The following CRACDL variants were observed in gnomAD, a reference collection of about 807,000 sequenced individuals.
CRACDL encodes CRACD-like protein.
In CRACDL, 26 loss-of-function variants were observed where a neutral mutation model predicts 70.6. That is an observed-to-expected ratio of 0.37 (90% CI 0.27 to 0.51). CRACDL has a LOEUF of 0.51. Ranked by LOEUF, CRACDL falls within the 20% of genes least tolerant of loss-of-function variation. CRACDL has a pLI of 0.94. For synonymous variants in CRACDL, 618 were observed against 615.2 expected (o/e 1.00, Z -0.07); for missense variants, 1,283 against 1,376.9 (o/e 0.93, Z 1.08).
chr2:98,815,618 T>A (rs1704751610), intron 7 of CRACDL, among the ~76,000 whole-genome samples: 1 of 152,018 alleles, frequency 6.6e-6, no homozygotes, highest in Non-Finnish European at 1.5e-5. Context: ...TCTCTGGGGG[T>A]AATGTCTAAA....
At chr2:98,918,929 T>G (rs1708733714) in intron 1 of CRACDL, among the ~76,000 whole-genome samples, 1 of 152,234 alleles carries the variant, frequency 6.6e-6, no homozygotes, top group South Asian at 2.1e-4. Context: ...GCAGAAGCTT[T>G]TTCATTTAAG....
At chr2:98,848,344 C>T (rs1706345346) in intron 1 of CRACDL, among the ~76,000 whole-genome samples, 1 of 152,100 alleles carries the variant, frequency 6.6e-6, no homozygotes, top group African/African-American at 2.4e-5. Context: ...CCCTCATCCC[C>T]AAGAGTCCTT....
Position 98,822,817 on chromosome 2 carries a change from C to G in CRACDL, c.1456G>C (p.Ala486Pro), listed in dbSNP as rs774642538. ...PERIGTEPST[A>P]PAPSPPAPKS... ...GGCGCCGGCGGGCTCGGGGCGGGCG[C>G]CGTGGAGGGCTCGGTCCCAATTCTC... The change falls in exon 7 of 10, where the codon GCG (alanine) becomes CCG (proline). Residue 486 changes from alanine to proline, a missense_variant. Coordinates refer to ENST00000397899, the MANE Select transcript of CRACDL (RefSeq NM_207362.3). This position sits in a 1 kb window ranked among gnomAD's most constrained non-coding sequence, Gnocchi z 4.9. The G allele has an allele frequency of 1.4e-6, 2 of 1,389,148 alleles. No homozygotes were observed. The highest frequency in any genetic ancestry group is 3.0e-5 in the Admixed American group (1 of 33,058). The allele number at this position is 1,389,148 out of a possible 1,614,324, so 86.1% of individuals were successfully genotyped here. A position where few individuals can be genotyped will look rare whatever the true frequency, so the allele number is the denominator to read the frequency against.
At chr2:98,815,656 G>A (rs1217066616) in intron 7 of CRACDL, among the ~76,000 whole-genome samples, 1 of 152,236 alleles carries the variant, frequency 6.6e-6, no homozygotes, top group African/African-American at 2.4e-5. Flanking sequence ...ACCCATAGGA[G>A]CTGCTGTGGG....
At position 98,823,767 on chromosome 2, in the gene CRACDL, T is replaced by C. The variant is rs116024279; in HGVS notation, c.736-230A>G. Among the ~76,000 whole-genome samples, 724 of 152,330 alleles carry C rather than the reference T, an allele frequency of 4.8e-3. 7 individuals are homozygous for C. The highest frequency in any genetic ancestry group is 0.016 in the African/African-American group (676 of 41,574). On this transcript the variant is annotated intron_variant, in intron 6 of 9. Coordinates refer to ENST00000397899, the MANE Select transcript of CRACDL (RefSeq NM_207362.3). This position sits in a 1 kb window ranked among gnomAD's most constrained non-coding sequence, Gnocchi z 4.0. ...CAGATATGCCTCCAAAGTAAATGTC[T>C]ACAGCTCCTCTGGCAGAGCCTCAAA...
chr2:98,885,964 T>C (rs974761315), intron 1 of CRACDL, among the ~76,000 whole-genome samples: 2 of 151,784 alleles, frequency 1.3e-5, no homozygotes, highest in African/African-American at 4.8e-5. Context: ...ACTCTGGAAA[T>C]TAATGCAATA....
intron 1 of CRACDL, among the ~76,000 whole-genome samples, chr2:98,919,820 A>G (rs1708756777): frequency 1.3e-5 from 2 of 152,166 alleles, no homozygotes; most frequent in South Asian, 2.1e-4. Context: ...TGGTGTGATC[A>G]CAGCTCACTG....
intron 1 of CRACDL, among the ~76,000 whole-genome samples, chr2:98,884,161 G>A (rs1165705558): frequency 2.6e-5 from 4 of 152,338 alleles, no homozygotes; most frequent in East Asian, 3.9e-4. Context: ...AGGAGGCCTG[G>A]AAGCACAGGC....
At chr2:98,863,955 A>G (rs947301273) in intron 1 of CRACDL, among the ~76,000 whole-genome samples, 2 of 152,142 alleles carry the variant, frequency 1.3e-5, no homozygotes, top group African/African-American at 4.8e-5. Flanking sequence ...TCCATTTTGC[A>G]AGACCCCAAA....
At chr2:98,908,191 G>A (rs111377325) in intron 1 of CRACDL, among the ~76,000 whole-genome samples, 10,059 of 152,260 alleles carry the variant, frequency 0.066, 490 homozygotes, top group African/African-American at 0.14. Flanking sequence ...ACCAGTAGAC[G>A]GACTGGCTGT....
chr2:98,904,451 G>A (rs1419858846), intron 1 of CRACDL, among the ~76,000 whole-genome samples: 1 of 152,194 alleles, frequency 6.6e-6, no homozygotes, highest in Non-Finnish European at 1.5e-5. Context: ...ACCACATATG[G>A]GAATGGCCTT....
At chr2:98,803,883 C>A (rs1367963511) in intron 7 of CRACDL, among the ~76,000 whole-genome samples, 1 of 152,186 alleles carries the variant, frequency 6.6e-6, no homozygotes, top group Non-Finnish European at 1.5e-5. Context: ...GGAAATGGGA[C>A]CTGTCTACAG....
At chr2:98,837,039 C>T (rs1291517427) in intron 3 of CRACDL, among the ~76,000 whole-genome samples, 1 of 149,688 alleles carries the variant, frequency 6.7e-6, no homozygotes, top group Non-Finnish European at 1.5e-5. Context: ...GAGCCAAGAT[C>T]GCGCCACCGC....
At chr2:98,886,823 AT>A (rs59370916) in intron 1 of CRACDL, among the ~76,000 whole-genome samples, 7,089 of 152,262 alleles carry the variant, frequency 0.047, 552 homozygotes, top group African/African-American at 0.16. Flanking sequence ...GCCACATTAT[AT>A]TTTTAAAATT....
intron 5 of CRACDL, among the ~76,000 whole-genome samples, chr2:98,830,702 C>G (rs1037110289): frequency 2.6e-5 from 4 of 152,076 alleles, no homozygotes; most frequent in African/African-American, 9.7e-5. Context: ...AAAGGACCAA[C>G]CACAGGAGGT....
intron 1 of CRACDL, among the ~76,000 whole-genome samples, chr2:98,917,270 C>T (rs1708689230): frequency 6.6e-6 from 1 of 152,218 alleles, no homozygotes; most frequent in Non-Finnish European, 1.5e-5. Context: ...TTATATGTAA[C>T]ATTGTGATGA....
chr2:98,825,584 TCA>T (rs1002331940), intron 6 of CRACDL, among the ~76,000 whole-genome samples: 2 of 152,124 alleles, frequency 1.3e-5, no homozygotes, highest in Non-Finnish European at 2.9e-5. Flanking sequence ...GATTCATAAA[TCA>T]CAGACTTGAG....
intron 1 of CRACDL, among the ~76,000 whole-genome samples, chr2:98,898,804 G>T (rs567390380): frequency 1.3e-5 from 2 of 152,206 alleles, no homozygotes; most frequent in Admixed American, 1.3e-4. Context: ...CAGCATAAAG[G>T]CTGACCTGTT....
chr2:98,905,138 T>C (rs1259202583), intron 1 of CRACDL, among the ~76,000 whole-genome samples: 2 of 150,462 alleles, frequency 1.3e-5, no homozygotes, highest in African/African-American at 4.9e-5. Flanking sequence ...TAGTCCCAGC[T>C]ACTCGGGAGG....
Sources: gnomAD v4.1 joint callset for allele counts (sites outside exome capture counted in the v4.1 genomes callset) on GRCh38, gnomAD v4.1.1 for gene constraint, Gnocchi (gnomAD v3.1) non-coding constraint, MANE v1.5 for transcripts, NCBI Gene and HGNC (gene_info 2026-07-23, HGNC 2026-07-21) for gene names.